NRG3: variants seen among roughly 807,000 people sequenced by gnomAD.
The protein encoded by NRG3 is neuregulin 3.
NRG3 carries 31 observed loss-of-function variants against 66.9 expected under a neutral mutation model. That is an observed-to-expected ratio of 0.46 (90% CI 0.35 to 0.63). The LOEUF (loss-of-function observed/expected upper bound fraction) is 0.63. Among genes scored for constraint, NRG3 ranks in the 20% least tolerant of loss-of-function variants. The probability of loss-of-function intolerance (pLI) is 0.00; values close to 1 mark genes in which losing one functional copy is unlikely to be tolerated. For missense variants in NRG3, 910 were observed against 878.9 expected (o/e 1.04, Z -0.45); for synonymous variants, 393 against 359.4 (o/e 1.09, Z -1.06).
chr10:82,061,352 CAAACA>C (rs563433676), intron 1 of NRG3, among the ~76,000 whole-genome samples: 1 of 151,964 alleles, frequency 6.6e-6, no homozygotes, highest in South Asian at 2.1e-4. Context: ...TTTTCCCTCT[CAAACA>C]AAACAAAACA....
At chr10:82,105,564 G>A (rs2067007739) in intron 1 of NRG3, among the ~76,000 whole-genome samples, 1 of 152,076 alleles carries the variant, frequency 6.6e-6, no homozygotes, top group African/African-American at 2.4e-5. Flanking sequence ...TGTAGAGGAG[G>A]TTCTTGTTAT....
chr10:82,909,097 A>G (rs1272303618), intron 4 of NRG3, among the ~76,000 whole-genome samples: 3 of 152,218 alleles, frequency 2.0e-5, no homozygotes, highest in African/African-American at 7.2e-5. Context: ...CCTTGCGTAG[A>G]AAGACTTAAT....
chr10:82,698,391 C>G (rs2055567378), intron 2 of NRG3, among the ~76,000 whole-genome samples: 1 of 152,064 alleles, frequency 6.6e-6, no homozygotes, highest in South Asian at 2.1e-4. Context: ...ACCTTGGAAT[C>G]TTAACAGGGG....
chr10:82,423,316 G>A (rs1441503239), intron 2 of NRG3, among the ~76,000 whole-genome samples: 4 of 151,866 alleles, frequency 2.6e-5, no homozygotes, highest in Non-Finnish European at 5.9e-5. Context: ...AAATGATTTT[G>A]TATATATTAT....
intron 4 of NRG3, among the ~76,000 whole-genome samples, chr10:82,888,862 G>T (rs1348695007): frequency 6.6e-6 from 1 of 152,044 alleles, no homozygotes; most frequent in Non-Finnish European, 1.5e-5. Flanking sequence ...TATTTTAGTG[G>T]AAATTGAAGT....
chr10:82,518,273 A>G (rs1200729036), intron 2 of NRG3, among the ~76,000 whole-genome samples: 4 of 152,188 alleles, frequency 2.6e-5, no homozygotes, highest in Non-Finnish European at 5.9e-5. Context: ...TACATGTGAG[A>G]AAGGAAATGG....
At position 82,453,682 on chromosome 10, in the gene NRG3, TAA is replaced by T. The variant is rs541557844; in HGVS notation, c.953+94828_953+94829del. ...AGGTTAAAAGCCTGATGTTTTGAGC[TAA>T]AAAAAAAAAAAAACCTAGTTTGAAC... On this transcript the variant is annotated intron_variant, in intron 2 of 8. Coordinates refer to ENST00000372141, the MANE Select transcript of NRG3 (RefSeq NM_001010848.4). Among the ~76,000 whole-genome samples, 485 of 126,262 alleles carry T rather than the reference TAA, an allele frequency of 3.8e-3. 1 individual carries two copies. Among genetic ancestry groups the T allele is most frequent in the African/African-American group, 0.013 (449 of 33,728 alleles). 82.8% of individuals were successfully genotyped at this position (126,262 alleles called of 152,430 possible).
chr10:82,898,038 G>T (rs61858782), intron 4 of NRG3, among the ~76,000 whole-genome samples: 1 of 152,130 alleles, frequency 6.6e-6, no homozygotes, highest in East Asian at 1.9e-4. Flanking sequence ...CCTCAATCTT[G>T]TGCAGCAGAC....
At chr10:82,721,956 A>T (rs2057345630) in intron 2 of NRG3, among the ~76,000 whole-genome samples, 1 of 152,096 alleles carries the variant, frequency 6.6e-6, no homozygotes, top group Non-Finnish European at 1.5e-5. Context: ...AGAAAAAAAA[A>T]AAAAAAATGG....
At position 82,547,121 on chromosome 10, in the gene NRG3, C is replaced by T. The variant is rs539778671; in HGVS notation, c.953+188253C>T. Among the ~76,000 whole-genome samples, 173 of 151,954 alleles carry T rather than the reference C, an allele frequency of 1.1e-3. 1 individual carries two copies. The highest frequency in any genetic ancestry group is 4.0e-3 in the African/African-American group (167 of 41,460). ...GCACATGAGCCATATTTTATTCATT[C>T]GTAAAATTATTATATGGAACAATTA... On this transcript the variant is annotated intron_variant, in intron 2 of 8. Transcript: ENST00000372141.
At chr10:82,877,364 G>A (rs1269900536) in intron 4 of NRG3, among the ~76,000 whole-genome samples, 1 of 140,504 alleles carries the variant, frequency 7.1e-6, no homozygotes, top group Non-Finnish European at 1.5e-5. Flanking sequence ...TCAGTGCATA[G>A]GGCAGACTTT....
intron 4 of NRG3, among the ~76,000 whole-genome samples, chr10:82,870,430 A>C (rs888887695): frequency 9.2e-5 from 14 of 152,142 alleles, no homozygotes. Context: ...TAAATTTTCA[A>C]CTTTTTGGTG....
chr10:82,701,270 C>T (rs2055856123), intron 2 of NRG3, among the ~76,000 whole-genome samples: 1 of 152,114 alleles, frequency 6.6e-6, no homozygotes, highest in Non-Finnish European at 1.5e-5. Context: ...TGTGTACATA[C>T]ATGCATGCAT....
At chr10:82,239,851 T>C (rs1424292190) in intron 1 of NRG3, among the ~76,000 whole-genome samples, 1 of 152,152 alleles carries the variant, frequency 6.6e-6, no homozygotes, top group East Asian at 1.9e-4. Context: ...GTATTTATAA[T>C]ATGATCTATT....
chr10:82,092,343 T>C (rs897025022), intron 1 of NRG3, among the ~76,000 whole-genome samples: 1 of 152,062 alleles, frequency 6.6e-6, no homozygotes, highest in African/African-American at 2.4e-5. Context: ...AGCCTGTCAA[T>C]ATATGTTAAA....
At chr10:82,504,264 G>T (rs536455260) in intron 2 of NRG3, among the ~76,000 whole-genome samples, 72 of 152,282 alleles carry the variant, frequency 4.7e-4, no homozygotes, top group Admixed American at 1.8e-3. Flanking sequence ...ATGTTCTTGT[G>T]TTGGGAAGAG....
intron 4 of NRG3, among the ~76,000 whole-genome samples, chr10:82,916,018 T>C (rs1408277070): frequency 6.6e-6 from 1 of 152,198 alleles, no homozygotes; most frequent in Non-Finnish European, 1.5e-5. Context: ...GTTCAGAGAA[T>C]GGAGGAAGGC....
chr10:82,762,759 G>T lies in NRG3; in HGVS notation c.1027+24109G>T, dbSNP rs987634843. ...GTTATAACACTATATCCTGTACCAA[G>T]CTTTCCATGTCAACTAGCTTTTTGT... On this transcript the variant is annotated intron_variant, in intron 3 of 8. Transcript: ENST00000372141. Among the ~76,000 whole-genome samples the T allele has an allele frequency of 6.6e-5, 10 of 152,252 alleles. No homozygotes were observed. In the Middle Eastern group the frequency reaches 0.014, roughly 207 times the overall value.
chr10:82,556,178 C>A (rs533017688), intron 2 of NRG3, among the ~76,000 whole-genome samples: 1 of 152,166 alleles, frequency 6.6e-6, no homozygotes, highest in African/African-American at 2.4e-5. Flanking sequence ...CTGTATTTCA[C>A]AATCTAACTT....
Sources: allele counts gnomAD v4.1 joint callset (sites outside exome capture counted in the v4.1 genomes callset), GRCh38; gene constraint gnomAD v4.1.1; transcripts MANE v1.5; gene names NCBI Gene and HGNC (gene_info 2026-07-23, HGNC 2026-07-21).